AK8: variants seen among roughly 807,000 people sequenced by gnomAD.
AK8 encodes the protein ATP-AMP transphosphorylase 8.
In AK8, 44 loss-of-function variants were observed where a neutral mutation model predicts 54.6. The ratio of observed to expected loss-of-function variants is 0.81; its 90% CI spans 0.63 to 1.04. The LOEUF (loss-of-function observed/expected upper bound fraction) is 1.04, where lower values mean the gene tolerates loss of function less well. Among genes scored for constraint, AK8 ranks in the 50% least tolerant of loss-of-function variants. The pLI is 0.00. For missense variants in AK8, 555 were observed against 613.6 expected (o/e 0.90, Z 1.01); for synonymous variants, 239 against 245.6 (o/e 0.97, Z 0.25).
chr9:132,837,766 G>C lies in AK8; in HGVS notation c.403-9040C>G, dbSNP rs1419174883. 1.3e-5 allele frequency among the ~76,000 whole-genome samples: 2 copies of C among 152,100 alleles called. No individual in the cohort carries two copies. The highest frequency in any genetic ancestry group is 2.9e-5 in the Non-Finnish European group (2 of 68,028). On this transcript the variant is annotated intron_variant, in intron 5 of 12. Coordinates refer to ENST00000298545, the MANE Select transcript of AK8 (RefSeq NM_152572.3). This position sits in a 1 kb window ranked among gnomAD's most constrained non-coding sequence, Gnocchi z 4.3. ...CAACCAACCACGCCTCAGCATCAGGGTCTCTTACAGAAACACCCACAAATA... is the reference window on the plus strand; with the variant it reads ...CAACCAACCACGCCTCAGCATCAGGCTCTCTTACAGAAACACCCACAAATA...
At chr9:132,836,280 C>T (rs1208147773) in intron 5 of AK8, among the ~76,000 whole-genome samples, 4 of 152,120 alleles carry the variant, frequency 2.6e-5, no homozygotes, top group Non-Finnish European at 4.4e-5. Context: ...CAGAGTGGGA[C>T]CCCATCTCTG....
intron 5 of AK8, among the ~76,000 whole-genome samples, chr9:132,839,831 G>A (rs1009962424): frequency 5.9e-5 from 7 of 119,002 alleles, no homozygotes; most frequent in South Asian, 2.6e-4. Context: ...GGGGGGGGGG[G>A]CGCAGGGACG....
chr9:132,867,557 C>T (rs17407368), intron 2 of AK8, among the ~76,000 whole-genome samples: 2,548 of 152,366 alleles, frequency 0.017, 46 homozygotes, highest in Middle Eastern at 0.027. Context: ...AGGCTACTGA[C>T]AAGAGTGTGA....
chr9:132,766,954 A>G (rs930079056), intron 11 of AK8, among the ~76,000 whole-genome samples: 2 of 152,336 alleles, frequency 1.3e-5, no homozygotes, highest in Middle Eastern at 3.4e-3. Context: ...CTAGATCTCT[A>G]TCTCTCCTCA....
chr9:132,832,932 C>T (rs1217116729), intron 5 of AK8, among the ~76,000 whole-genome samples: 1 of 152,192 alleles, frequency 6.6e-6, no homozygotes, highest in East Asian at 1.9e-4. Context: ...TCCAGGTCTG[C>T]TCTGAGCTGG....
intron 6 of AK8, 148 bp from the exon 7 acceptor site, chr9:132,828,232 C>T (rs1322302438): frequency 5.6e-6 from 4 of 716,210 alleles, no homozygotes; most frequent in East Asian, 5.5e-5. Context: ...CCCGTGAATT[C>T]CTAAGAGAAA....
At chr9:132,798,215 C>A (rs1840270173) in intron 10 of AK8, among the ~76,000 whole-genome samples, 1 of 152,174 alleles carries the variant, frequency 6.6e-6, no homozygotes, top group Admixed American at 6.5e-5. Context: ...GAGGGGTGAA[C>A]CCTGAAGACC....
At chr9:132,825,856 G>T (rs532902164) in intron 8 of AK8, among the ~76,000 whole-genome samples, 233 of 152,334 alleles carry the variant, frequency 1.5e-3, no homozygotes, top group Non-Finnish European at 2.4e-3. Context: ...TTAAATATCT[G>T]TGATGTTCCC....
chr9:132,733,315 C>A (rs1235431981), intron 11 of AK8, among the ~76,000 whole-genome samples: 1 of 152,132 alleles, frequency 6.6e-6, no homozygotes, highest in East Asian at 1.9e-4. Flanking sequence ...AACACGCGGC[C>A]CCCCTTGCAC....
Position 132,803,936 on chromosome 9 carries a change from T to A in AK8, c.979+10702A>T, listed in dbSNP as rs538977043. On this transcript the variant is annotated intron_variant, in intron 10 of 12. Coordinates refer to ENST00000298545, the MANE Select transcript of AK8 (RefSeq NM_152572.3). This position sits in a 1 kb window ranked among gnomAD's most constrained non-coding sequence, Gnocchi z 4.4. ...ACCTGGCCAATATGGTGAAACCCCA[T>A]CTCTACTAAAAATACAAAAATTAGC... Among the ~76,000 whole-genome samples the A allele has an allele frequency of 5.0e-4, 76 of 151,862 alleles. No homozygotes were observed. Among genetic ancestry groups the A allele is most frequent in the African/African-American group, 1.8e-3 (75 of 41,384 alleles).
chr9:132,829,309 T>C (rs1842012418), intron 5 of AK8, among the ~76,000 whole-genome samples: 2 of 152,220 alleles, frequency 1.3e-5, no homozygotes, highest in South Asian at 4.2e-4. Context: ...CATCTCTTCA[T>C]ATCTGCACAG....
chr9:132,739,216 G>A (rs1329002621), intron 11 of AK8, among the ~76,000 whole-genome samples: 5 of 151,528 alleles, frequency 3.3e-5, no homozygotes, highest in East Asian at 1.9e-4. Context: ...TTGGGAGGCC[G>A]AGGCAGGTGG....
chr9:132,730,010 G>T (rs1402499440), intron 11 of AK8, among the ~76,000 whole-genome samples: 1 of 152,058 alleles, frequency 6.6e-6, no homozygotes, highest in Non-Finnish European at 1.5e-5. Flanking sequence ...TCTGAGAGTC[G>T]TGTGTTTTCA....
intron 8 of AK8, among the ~76,000 whole-genome samples, chr9:132,825,711 A>C (rs1320969708): frequency 5.3e-5 from 8 of 152,222 alleles, no homozygotes; most frequent in African/African-American, 1.4e-4. Flanking sequence ...GTCTACCAGC[A>C]GGAGAAGGTG....
intron 11 of AK8, among the ~76,000 whole-genome samples, chr9:132,745,064 T>C (rs935478969): frequency 6.6e-6 from 1 of 152,170 alleles, no homozygotes; most frequent in African/African-American, 2.4e-5. Context: ...CCCCCACCTA[T>C]TTCCCCTTCT....
chr9:132,738,571 G>C (rs1327559209), intron 11 of AK8, among the ~76,000 whole-genome samples: 3 of 152,074 alleles, frequency 2.0e-5, no homozygotes, highest in Non-Finnish European at 2.9e-5. Context: ...ACAGTTTGCT[G>C]CTCTAATGAA....
upstream of AK8, chr9:132,878,298 G>C: frequency 1.5e-6 from 2 of 1,327,554 alleles, no homozygotes; most frequent in Non-Finnish European, 1.9e-6. The surrounding 1 kb of genome is among the most constrained non-coding windows in gnomAD (Gnocchi z 4.7). Context: ...CGCGTCGCTA[G>C]GGCCGCCGCG....
At chr9:132,839,823 G>GT (rs1285600063) in intron 5 of AK8, among the ~76,000 whole-genome samples, 1 of 147,302 alleles carries the variant, frequency 6.8e-6, no homozygotes, top group African/African-American at 2.6e-5. Context: ...TTTTTGCCGG[G>GT]GGGGGGGGCG....
At chr9:132,875,006 G>A in intron 2 of AK8, 109 bp downstream of exon 2, 1 of 1,393,314 alleles carries the variant, frequency 7.2e-7, no homozygotes, top group East Asian at 2.4e-5. Context: ...GGATGGGGCA[G>A]GGTTCCTGGA....
Sources: gnomAD v4.1 joint callset for allele counts (sites outside exome capture counted in the v4.1 genomes callset) on GRCh38, gnomAD v4.1.1 for gene constraint, Gnocchi (gnomAD v3.1) non-coding constraint, MANE v1.5 for transcripts, NCBI Gene and HGNC (gene_info 2026-07-23, HGNC 2026-07-21) for gene names.